OPCML: variants seen among roughly 807,000 people sequenced by gnomAD.
The protein encoded by OPCML is opioid binding protein/cell adhesion molecule like.
In OPCML, 13 loss-of-function variants were observed where a neutral mutation model predicts 37.8. The ratio of observed to expected loss-of-function variants is 0.34; its 90% CI spans 0.22 to 0.55. The LOEUF (loss-of-function observed/expected upper bound fraction) is 0.55, where lower values mean the gene tolerates loss of function less well. OPCML is among the 20% of genes least tolerant of loss of function. The pLI is 0.91. For missense variants in OPCML, 341 were observed against 435.6 expected (o/e 0.78, Z 1.93); for synonymous variants, 176 against 168.8 (o/e 1.04, Z -0.33).
At chr11:132,660,386 T>G (rs1330017238) in intron 2 of OPCML, among the ~76,000 whole-genome samples, 1 of 152,218 alleles carries the variant, frequency 6.6e-6, no homozygotes, top group African/African-American at 2.4e-5. Flanking sequence ...GACAAATCAA[T>G]TAATTCCTCT....
At chr11:133,380,503 A>G (rs1043183494) in intron 1 of OPCML, among the ~76,000 whole-genome samples, 1 of 152,184 alleles carries the variant, frequency 6.6e-6, no homozygotes, top group African/African-American at 2.4e-5. Context: ...AACTCTTCCC[A>G]TGGATTGTAG....
chr11:133,071,151 C>T (rs568527754), intron 1 of OPCML, among the ~76,000 whole-genome samples: 2 of 152,212 alleles, frequency 1.3e-5, no homozygotes, highest in Non-Finnish European at 2.9e-5. Flanking sequence ...CAGGTACTGG[C>T]TAAGACAGGC....
intron 3 of OPCML, among the ~76,000 whole-genome samples, chr11:132,583,526 C>T (rs1488427599): frequency 6.6e-6 from 1 of 152,092 alleles, no homozygotes; most frequent in Non-Finnish European, 1.5e-5. Flanking sequence ...GTATTAAACT[C>T]TTGACTCAAG....
intron 1 of OPCML, among the ~76,000 whole-genome samples, chr11:133,048,429 C>T (rs1416964119): frequency 6.6e-6 from 1 of 152,064 alleles, no homozygotes; most frequent in Non-Finnish European, 1.5e-5. Flanking sequence ...GCCTAAAACC[C>T]CGTATGAGAA....
intron 2 of OPCML, among the ~76,000 whole-genome samples, chr11:132,781,623 AT>A (rs375426070): frequency 0.21 from 28,987 of 140,304 alleles, 3,494 homozygotes; most frequent in Non-Finnish European, 0.3. Flanking sequence ...CACACACCCT[AT>A]TTTTTTTTTT....
intron 1 of OPCML, among the ~76,000 whole-genome samples, chr11:132,965,689 C>T (rs1025427606): frequency 7.2e-5 from 11 of 152,028 alleles, no homozygotes; most frequent in Non-Finnish European, 7.4e-5. Context: ...AGGGCCACCA[C>T]GCCCAGCTAA....
At chr11:132,687,369 CATATATATATATATATATATAT>C (rs56834972) in intron 2 of OPCML, among the ~76,000 whole-genome samples, 1,483 of 49,368 alleles carry the variant, frequency 0.03, 27 homozygotes, top group East Asian at 0.15. Context: ...CCTTAAGCTA[CATATATATATATATATATATAT>C]ATATATATAT....
In OPCML at chr11:133,289,452, G is replaced by A. The variant is rs868592480; in HGVS notation, c.61+242812C>T. Reference sequence around the variant, plus strand: ...CTACTAAAAATACAAAAAATTAGCCGGGCGTAGTGGCGGGCGCCTGTAGTC... The same window carrying A: ...CTACTAAAAATACAAAAAATTAGCCAGGCGTAGTGGCGGGCGCCTGTAGTC... On this transcript the variant is annotated intron_variant, in intron 1 of 7. Coordinates refer to ENST00000524381, the MANE Select transcript of OPCML (RefSeq NM_001012393.5). Among the ~76,000 whole-genome samples, 232 of 151,600 alleles carry A rather than the reference G, an allele frequency of 1.5e-3. 5 individuals are homozygous for A. Among genetic ancestry groups the A allele is most frequent in the Middle Eastern group, 0.01 (3 of 292 alleles).
At chr11:133,179,081 A>G (rs2136282337) in intron 1 of OPCML, among the ~76,000 whole-genome samples, 1 of 152,236 alleles carries the variant, frequency 6.6e-6, no homozygotes, top group East Asian at 1.9e-4. Flanking sequence ...GTCAGGCTAG[A>G]GACCCCTCTG....
intron 1 of OPCML, among the ~76,000 whole-genome samples, chr11:133,318,525 C>T (rs2136614677): frequency 6.6e-6 from 1 of 152,182 alleles, no homozygotes; most frequent in Non-Finnish European, 1.5e-5. Context: ...TGTTCCTGGG[C>T]TATAAATTCC....
Position 133,342,657 on chromosome 11 carries a change from A to G in OPCML, c.61+189607T>C, listed in dbSNP as rs148202180. ...GAGGGAGGGCGAAGAGTGGCAGTCT[A>G]CAGGCAGCGGACAGCTCCAGTCTCC... On this transcript the variant is annotated intron_variant, in intron 1 of 7. Transcript: ENST00000524381. Among the ~76,000 whole-genome samples the G allele has an allele frequency of 4.0e-3, 616 of 152,296 alleles. 5 individuals are homozygous for G. The highest frequency in any genetic ancestry group is 0.014 in the African/African-American group (588 of 41,562).
intron 2 of OPCML, among the ~76,000 whole-genome samples, chr11:132,770,550 A>T (rs371939155): frequency 1.3e-5 from 2 of 152,110 alleles, no homozygotes; most frequent in East Asian, 3.9e-4. Flanking sequence ...CTTTCATGGG[A>T]GAACTAATTT....
intron 1 of OPCML, among the ~76,000 whole-genome samples, chr11:133,384,223 C>T (rs1433240896): frequency 7.6e-6 from 1 of 131,388 alleles, no homozygotes; most frequent in East Asian, 2.2e-4. Context: ...ATTAATGCAG[C>T]TGCCAAAGCC....
At chr11:133,248,313 G>A (rs962873118) in intron 1 of OPCML, among the ~76,000 whole-genome samples, 3 of 152,238 alleles carry the variant, frequency 2.0e-5, no homozygotes, top group Non-Finnish European at 4.4e-5. Context: ...CTGTGGGTTA[G>A]GGCGTACCTT....
intron 3 of OPCML, among the ~76,000 whole-genome samples, chr11:132,558,662 A>G (rs890370544): frequency 6.6e-6 from 1 of 151,290 alleles, no homozygotes; most frequent in African/African-American, 2.4e-5. Flanking sequence ...TACCTCTTTT[A>G]TGATTGTATC....
At chr11:132,518,443 C>CCAT (rs1479531569) in intron 4 of OPCML, among the ~76,000 whole-genome samples, 1 of 152,122 alleles carries the variant, frequency 6.6e-6, no homozygotes, top group African/African-American at 2.4e-5. Context: ...TATGAGTATC[C>CCAT]CATCTCAGGC....
intron 2 of OPCML, among the ~76,000 whole-genome samples, chr11:132,840,947 C>G (rs552393395): frequency 6.6e-6 from 1 of 152,112 alleles, no homozygotes; most frequent in Middle Eastern, 3.4e-3. Flanking sequence ...ACCTCCAGAG[C>G]GAGCTCACAT....
intron 2 of OPCML, among the ~76,000 whole-genome samples, chr11:132,921,913 T>C (rs1290889558): frequency 1.3e-5 from 2 of 152,058 alleles, no homozygotes; most frequent in Non-Finnish European, 1.5e-5. Context: ...AGAGTCTCGC[T>C]CTATCACCCA....
chr11:133,329,074 C>T (rs1427176599), intron 1 of OPCML, among the ~76,000 whole-genome samples: 8 of 152,094 alleles, frequency 5.3e-5, no homozygotes, highest in Admixed American at 3.9e-4. Context: ...GAGTGAACTC[C>T]CATTCACAAT....
Sources: gnomAD v4.1 joint callset for allele counts (sites outside exome capture counted in the v4.1 genomes callset) on GRCh38, gnomAD v4.1.1 for gene constraint, MANE v1.5 for transcripts, NCBI Gene and HGNC (gene_info 2026-07-23, HGNC 2026-07-21) for gene names.